The following PCDHGA6 variants were observed in gnomAD, a reference collection of about 807,000 sequenced individuals.
PCDHGA6 encodes protocadherin gamma subfamily A, 6, also known as protocadherin gamma-A6.
Under a neutral mutation model 60.6 loss-of-function variants are expected in PCDHGA6, and 41 were observed. That is an observed-to-expected ratio of 0.68 (90% CI 0.53 to 0.88). The LOEUF is 0.88. PCDHGA6 is among the 40% of genes least tolerant of loss of function. PCDHGA6 has a pLI of 0.00. For missense variants in PCDHGA6, 1,312 were observed against 1,203.0 expected, an observed-to-expected ratio of 1.09 and a Z score of -1.34; for synonymous variants, 594 against 524.4, an observed-to-expected ratio of 1.13 and a Z score of -1.81.
In PCDHGA6 at chr5:141,491,272, A is replaced by G. The variant is rs2099710110; in HGVS notation, c.2425-3535A>G. On this transcript the variant is annotated intron_variant, in intron 1 of 3. Transcript: ENST00000517434. The surrounding 1 kb of genome is among the most constrained non-coding windows in gnomAD (Gnocchi z 6.9). The stretch of plus-strand genomic sequence containing the variant: ...GGACCCTGAGGAAATGCCCAAATCC[A>G]GTGACTTCCTCATACACCCTCCTGA... The G allele has an allele frequency of 1.2e-6, 2 of 1,614,084 alleles. No homozygotes were observed. Among genetic ancestry groups the G allele is most frequent in the Non-Finnish European group, 1.7e-6 (2 of 1,179,928 alleles).
At chr5:141,420,101 T>C (rs1160215468) in intron 1 of PCDHGA6, 1 of 1,613,928 alleles carries the variant, frequency 6.2e-7, no homozygotes, top group Non-Finnish European at 8.5e-7. Flanking sequence ...TGAGGGAACG[T>C]TGCCCTATGC....
rs748660721 is a variant in PCDHGA6 at position 141,485,346 on chromosome 5, G to A, written c.2425-9461G>A. The A allele has an allele frequency of 1.2e-6, 2 of 1,614,178 alleles. No individual in the cohort carries two copies. Among genetic ancestry groups the A allele is most frequent in the South Asian group, 2.2e-5 (2 of 91,088 alleles). ...CAAGATTTCCTGCTGGATACGGACA[G>A]TCTGTCAGCTCGCAGGCTGCAGGTC... On this transcript the variant is annotated intron_variant, in intron 1 of 3. Transcript: ENST00000517434. This position sits in a 1 kb window ranked among gnomAD's most constrained non-coding sequence, Gnocchi z 5.7.
chr5:141,432,870 T>C lies in PCDHGA6; in HGVS notation c.2424+56363T>C, dbSNP rs1022024380. The stretch of plus-strand genomic sequence containing the variant: ...GCGGTGGCCGCGGTCTCCTGCGTCT[T>C]CCTGGCCTTCGTCATCTTGCTGCTG... On this transcript the variant is annotated intron_variant, in intron 1 of 3. Transcript: ENST00000517434. This position sits in a 1 kb window ranked among gnomAD's most constrained non-coding sequence, Gnocchi z 6.0. The C allele has an allele frequency of 1.9e-6, 3 of 1,614,030 alleles. No homozygotes were observed. In the African/African-American group the frequency reaches 4.0e-5, roughly 22 times the overall value.
intron 1 of PCDHGA6, among the ~76,000 whole-genome samples, chr5:141,454,172 CAGCTAAAGG>C (rs1351117555): frequency 6.6e-6 from 1 of 152,126 alleles, no homozygotes; most frequent in Admixed American, 6.5e-5. Context: ...TCTAGAAGGG[CAGCTAAAGG>C]AGCTTAGTGA....
intron 1 of PCDHGA6, among the ~76,000 whole-genome samples, chr5:141,465,031 C>T (rs933448980): frequency 1.3e-5 from 2 of 151,958 alleles, no homozygotes; most frequent in Non-Finnish European, 1.5e-5. Context: ...CATGAACCAC[C>T]ACAAATGACC....
intron 1 of PCDHGA6, chr5:141,413,033 T>C: frequency 1.3e-6 from 1 of 776,760 alleles, no homozygotes; most frequent in Non-Finnish European, 2.0e-6. Context: ...ACAAACCGGC[T>C]GCTGGGCTGC....
intron 1 of PCDHGA6, chr5:141,384,146 C>T (rs369384722): frequency 6.2e-7 from 1 of 1,613,048 alleles, no homozygotes; most frequent in African/African-American, 1.3e-5. Context: ...GAAACACTCT[C>T]TTTGTATAAC....
rs780685517 is a variant in PCDHGA6 at position 141,489,548 on chromosome 5, T to C, written c.2425-5259T>C. 6.2e-7 allele frequency: 1 copy of C among 1,614,136 alleles called. No individual in the cohort carries two copies. Among genetic ancestry groups the C allele is most frequent in the South Asian group, 1.1e-5 (1 of 91,086 alleles). On this transcript the variant is annotated intron_variant, in intron 1 of 3. Coordinates refer to ENST00000517434, the MANE Select transcript of PCDHGA6 (RefSeq NM_018919.3). This position sits in a 1 kb window ranked among gnomAD's most constrained non-coding sequence, Gnocchi z 4.5. ...CTATGTGGAGCCAGCACCAGCTGCCTGCTGCCAGTGCAGGTGGTGACTGAA... is the reference window on the plus strand; with the variant it reads ...CTATGTGGAGCCAGCACCAGCTGCCCGCTGCCAGTGCAGGTGGTGACTGAA...
intron 1 of PCDHGA6, chr5:141,389,425 C>T (rs1464186383): frequency 3.1e-6 from 5 of 1,613,500 alleles, no homozygotes; most frequent in Admixed American, 1.7e-5. Flanking sequence ...GTGGTGTTCG[C>T]GCAGCGCGCC....
At chr5:141,488,951 A>G (rs2099680664) in intron 1 of PCDHGA6, among the ~76,000 whole-genome samples, 1 of 152,118 alleles carries the variant, frequency 6.6e-6, no homozygotes, top group Admixed American at 6.5e-5. Flanking sequence ...ATTGGTTGAG[A>G]GCACACAGAC....
chr5:141,422,850 G>C (rs184432819), intron 1 of PCDHGA6: 30 of 1,614,086 alleles, frequency 1.9e-5, no homozygotes, highest in Middle Eastern at 1.6e-4. Flanking sequence ...GCGGGGACCC[G>C]CCCCTCAGCA....
At chr5:141,398,632 A>G (rs1589336934) in intron 1 of PCDHGA6, 7 of 1,613,946 alleles carry the variant, frequency 4.3e-6, no homozygotes, top group Non-Finnish European at 5.1e-6. Context: ...CTCTCTGCAG[A>G]AGTATAAACT....
intron 1 of PCDHGA6, chr5:141,394,304 G>T (rs1317596371): frequency 1.2e-6 from 2 of 1,613,932 alleles, no homozygotes; most frequent in Admixed American, 1.7e-5. Flanking sequence ...ACACGCTGCA[G>T]GGGGCGCCCC....
intron 1 of PCDHGA6, chr5:141,422,668 G>A: frequency 6.2e-7 from 1 of 1,607,686 alleles, no homozygotes; most frequent in Non-Finnish European, 8.5e-7. Context: ...CCTCGACCCG[G>A]ACAGCAAACA....
In PCDHGA6 at chr5:141,511,236, C is replaced by T; in HGVS notation, c.*63C>T. 4 of 1,591,606 alleles carry T rather than the reference C, an allele frequency of 2.5e-6. No individual in the cohort carries two copies. Among genetic ancestry groups the T allele is most frequent in the Admixed American group, 3.6e-5 (2 of 56,022 alleles). ...CCCAACCAGCCCAGCTTCTCCTTAC[C>T]TGCACCCAGGCCTCAGAGTTTCAGG... On this transcript the variant is annotated 3_prime_UTR_variant, in exon 4 of 4. Transcript: ENST00000517434.
At chr5:141,510,828 C>T in intron 3 of PCDHGA6, 119 bp from the exon 4 acceptor site, 18 of 1,572,154 alleles carry the variant, frequency 1.1e-5, no homozygotes, top group Non-Finnish European at 1.6e-5. Context: ...ATTCCCAGTG[C>T]TCAGCGTGGT....
chr5:141,380,340 TG>T (rs1383873697), intron 1 of PCDHGA6, among the ~76,000 whole-genome samples: 2 of 152,164 alleles, frequency 1.3e-5, no homozygotes, highest in Non-Finnish European at 2.9e-5. Flanking sequence ...TTCAAAGAAC[TG>T]TTTTGTTGTT....
chr5:141,394,946 T>A (rs759854662), intron 1 of PCDHGA6: 1 of 1,613,768 alleles, frequency 6.2e-7, no homozygotes, highest in East Asian at 2.2e-5. Flanking sequence ...TCGCTGTGCT[T>A]CTGGGGCTCA....
In PCDHGA6 at chr5:141,374,714, G is replaced by T. The variant is rs1236113306; in HGVS notation, c.631G>T (p.Val211Phe). The T allele has an allele frequency of 6.2e-7, 1 of 1,609,850 alleles. No individual in the cohort carries two copies. The highest frequency in any genetic ancestry group is 8.5e-7 in the Non-Finnish European group (1 of 1,177,900). The stretch of plus-strand genomic sequence containing the variant: ...GGAAGGAGAAGCCGTTTACCGCCTG[G>T]TCCTTACTGCCATGGATGGCGGCGA... ...DREGEAVYRL[V>F]LTAMDGGDPV... The change falls in exon 1 of 4, where the codon GTC becomes TTC. Residue 211 changes from valine to phenylalanine, a missense_variant. By Grantham distance (50) the Val-to-Phe change is conservative. Transcript: ENST00000517434.
Sources: gnomAD v4.1 joint callset for allele counts (sites outside exome capture counted in the v4.1 genomes callset) on GRCh38, gnomAD v4.1.1 for gene constraint, Gnocchi (gnomAD v3.1) non-coding constraint, MANE v1.5 for transcripts, NCBI Gene and HGNC (gene_info 2026-07-23, HGNC 2026-07-21) for gene names.